The following NNT variants were observed in gnomAD, a reference collection of about 807,000 sequenced individuals.
The protein encoded by NNT is nicotinamide nucleotide transhydrogenase.
A neutral mutation model predicts 104.8 loss-of-function variants in NNT; 50 were observed. The ratio of observed to expected loss-of-function variants is 0.48; its 90% CI spans 0.38 to 0.60. The LOEUF (loss-of-function observed/expected upper bound fraction) is 0.60. Ranked by LOEUF, NNT falls within the 20% of genes least tolerant of loss-of-function variation. The probability of loss-of-function intolerance (pLI) is 0.00; values close to 1 mark genes in which losing one functional copy is unlikely to be tolerated. For synonymous variants in NNT, 461 were observed against 490.4 expected (o/e 0.94, Z 0.79); for missense variants, 1,131 against 1,330.7 (o/e 0.85, Z 2.33).
rs189986666 is a variant in NNT, at chr5:43,673,045, C to T, written c.2635-2466C>T. Among the ~76,000 whole-genome samples, 217 of 152,350 alleles carry T rather than the reference C, an allele frequency of 1.4e-3. 1 individual carries two copies. Among genetic ancestry groups the T allele is most frequent in the African/African-American group, 5.0e-3 (210 of 41,586 alleles). ...GTTCGATCTCAGGCTGCTGTGCTAG[C>T]AATGAGCGAGGCTCTGTGGGCATGG... On this transcript the variant is annotated intron_variant, in intron 17 of 21. Coordinates refer to ENST00000344920, the MANE Select transcript of NNT (RefSeq NM_182977.3).
intron 19 of NNT, among the ~76,000 whole-genome samples, chr5:43,691,681 T>C (rs1742293404): frequency 6.6e-6 from 1 of 152,274 alleles, no homozygotes; most frequent in Admixed American, 6.5e-5. Flanking sequence ...TGTGATACTT[T>C]AGATATATTA....
rs188158811 is a variant in NNT at position 43,666,216 on chromosome 5, C to T, written c.2634+6866C>T. Among the ~76,000 whole-genome samples, 61 of 152,264 alleles carry T rather than the reference C, an allele frequency of 4.0e-4. 2 individuals are homozygous for T. Among genetic ancestry groups the T allele is most frequent in the African/African-American group, 1.3e-3 (52 of 41,574 alleles). Reference sequence around the variant, plus strand: ...GGTGGCAGGGCAGAGGCTGCAATCTCGGCACTTTGGGAGGCCAAGGCAGGC... The same window carrying T: ...GGTGGCAGGGCAGAGGCTGCAATCTTGGCACTTTGGGAGGCCAAGGCAGGC... On this transcript the variant is annotated intron_variant, in intron 17 of 21. Transcript: ENST00000344920.
chr5:43,632,096 A>G (rs1750704710), intron 7 of NNT, among the ~76,000 whole-genome samples: 1 of 152,218 alleles, frequency 6.6e-6, no homozygotes, highest in Non-Finnish European at 1.5e-5. Context: ...AGCATTTAAC[A>G]AAAATGACTG....
chr5:43,678,211 T>A (rs1741521543), intron 19 of NNT, among the ~76,000 whole-genome samples: 1 of 152,176 alleles, frequency 6.6e-6, no homozygotes, highest in Non-Finnish European at 1.5e-5. Context: ...TTGGTCTTGC[T>A]CTCATGAGTG....
intron 7 of NNT, among the ~76,000 whole-genome samples, chr5:43,638,038 GT>G (rs1170170307): frequency 6.6e-6 from 1 of 152,168 alleles, no homozygotes; most frequent in Non-Finnish European, 1.5e-5. Flanking sequence ...CAAGGGGGCA[GT>G]TTCCCCCATC....
chr5:43,695,494 A>G (rs1378266265), intron 19 of NNT, among the ~76,000 whole-genome samples: 1 of 152,224 alleles, frequency 6.6e-6, no homozygotes, highest in Non-Finnish European at 1.5e-5. Flanking sequence ...ATGCATCTAG[A>G]TCATGTCTAG....
chr5:43,628,313 T>A lies in NNT; in HGVS notation c.890T>A (p.Ile297Asn), dbSNP rs748249051. ...GCAAAAGAGATGTCCAAAGAGTTCA[T>A]TGAAGCTGAAATGAAACTCTTTGCT... ...GYAKEMSKEF[I>N]EAEMKLFAQQ... is the part of the protein sequence containing the mutation. The change falls in exon 7 of 22, where the codon ATT (isoleucine) becomes AAT (asparagine). Residue 297 changes from isoleucine to asparagine, a missense_variant. By Grantham distance (149) the Ile-to-Asn change is moderately radical (BLOSUM62 -3). Transcript: ENST00000344920. 6.2e-7 allele frequency: 1 copy of A among 1,613,994 alleles called. No homozygotes were observed. The highest frequency in any genetic ancestry group is 1.7e-5 in the Admixed American group (1 of 59,972).
intron 17 of NNT, among the ~76,000 whole-genome samples, chr5:43,672,228 A>G (rs62368567): frequency 0.034 from 5,144 of 152,254 alleles, 136 homozygotes; most frequent in East Asian, 0.12. Context: ...GATGGGTTCA[A>G]ACTTCCTCCT....
intron 7 of NNT, among the ~76,000 whole-genome samples, chr5:43,643,705 A>G (rs184195346): frequency 1.7e-4 from 26 of 152,356 alleles, no homozygotes; most frequent in Admixed American, 1.6e-3. Flanking sequence ...ATGATGTGTT[A>G]GAAAATCTGG....
rs1266897025 is a variant in NNT, at chr5:43,624,088, G to A, written c.744G>A (p.Ser248=). Reference sequence around the variant, plus strand: ...TTGCTTCTGCAGGCGCAGCAAAGTCGATGGGTGCAATTGTTCGAGGATTTG... The same window carrying A: ...TTGCTTCTGCAGGCGCAGCAAAGTCAATGGGTGCAATTGTTCGAGGATTTG... The part of the protein sequence containing the change: ...AGLASAGAAK[S]MGAIVRGFDT... The change falls in exon 6 of 22, where the codon TCG becomes TCA. Residue 248 remains serine, a synonymous_variant. Coordinates refer to ENST00000344920, the MANE Select transcript of NNT (RefSeq NM_182977.3). The A allele has an allele frequency of 1.2e-6, 2 of 1,614,150 alleles. No homozygotes were observed. The highest frequency in any genetic ancestry group is 1.1e-5 in the South Asian group (1 of 91,082).
chr5:43,696,136 A>C (rs1198961461), intron 19 of NNT, among the ~76,000 whole-genome samples: 2 of 152,204 alleles, frequency 1.3e-5, no homozygotes, highest in Non-Finnish European at 2.9e-5. Flanking sequence ...ATATGAGACA[A>C]GGCAAGTCCC....
rs1187471566 is a variant in NNT, at chr5:43,605,857, A to G, written c.-54+2563A>G. Reference sequence around the variant, plus strand: ...TGAATCAAGTGAAATTTTTCACAGAAATGGGCCTATGAAGGCTTTGGCCCT... The same window carrying G: ...TGAATCAAGTGAAATTTTTCACAGAGATGGGCCTATGAAGGCTTTGGCCCT... On this transcript the variant is annotated intron_variant, in intron 1 of 21. Coordinates refer to ENST00000344920, the MANE Select transcript of NNT (RefSeq NM_182977.3). 3.3e-5 allele frequency among the ~76,000 whole-genome samples: 5 copies of G among 152,172 alleles called. No homozygotes were observed. The East Asian group carries it at 9.6e-4, about 29-fold the overall frequency.
At chr5:43,645,948 C>T (rs1024632885) in intron 10 of NNT, among the ~76,000 whole-genome samples, 7 of 151,540 alleles carry the variant, frequency 4.6e-5, no homozygotes, top group Admixed American at 4.6e-4. Flanking sequence ...CTCCTGACCT[C>T]GTGATCTGCC....
chr5:43,691,359 C>T (rs1309106928), intron 19 of NNT, among the ~76,000 whole-genome samples: 1 of 152,202 alleles, frequency 6.6e-6, no homozygotes, highest in African/African-American at 2.4e-5. Flanking sequence ...CCATCTCGGC[C>T]TCTTAAAGTG....
At chr5:43,656,417 ATACT>A (rs1326755369) in intron 15 of NNT, among the ~76,000 whole-genome samples, 2 of 152,144 alleles carry the variant, frequency 1.3e-5, no homozygotes, top group African/African-American at 4.8e-5. Context: ...CCCTTTATTG[ATACT>A]TAGTAAGTCT....
At chr5:43,674,512 C>T (rs560749637) in intron 17 of NNT, among the ~76,000 whole-genome samples, 24 of 152,104 alleles carry the variant, frequency 1.6e-4, no homozygotes, top group Middle Eastern at 3.4e-3. Context: ...AGTTGTATAA[C>T]GAAGCAATAA....
chr5:43,620,444 A>G (rs763157146), intron 5 of NNT, among the ~76,000 whole-genome samples: 50 of 151,600 alleles, frequency 3.3e-4, no homozygotes, highest in African/African-American at 1.2e-3. Flanking sequence ...ATGGTCTCGA[A>G]CTCTTGACCT....
At chr5:43,639,774 A>T (rs1374445573) in intron 7 of NNT, among the ~76,000 whole-genome samples, 1 of 152,154 alleles carries the variant, frequency 6.6e-6, no homozygotes, top group African/African-American at 2.4e-5. Flanking sequence ...TTCCAGGGGA[A>T]CTTAATGTCC....
In NNT at chr5:43,666,720, T is replaced by TG. The variant is rs70997427; in HGVS notation, c.2634+7376dup. 3,513 of 1,066,750 alleles carry TG rather than the reference T, an allele frequency of 3.3e-3. 84 individuals carry two copies. In the African/African-American group the frequency reaches 0.05, roughly 15 times the overall value. The allele number at this position is 1,066,750 out of a possible 1,614,324, so 66.1% of individuals were successfully genotyped here. ...GCAGATGGTAGCCCAGGGACGGGGG[T>TG]GGGGGGTCGCACCAGTCCTTCTGTC... On this transcript the variant is annotated intron_variant, in intron 17 of 21. Transcript: ENST00000344920.
Sources: allele counts gnomAD v4.1 joint callset (sites outside exome capture counted in the v4.1 genomes callset), GRCh38; gene constraint gnomAD v4.1.1; transcripts MANE v1.5; gene names NCBI Gene and HGNC (gene_info 2026-07-23, HGNC 2026-07-21).